Variants in KIAA1217 observed in about 807,000 individuals in gnomAD.
The protein encoded by KIAA1217 is sickle tail protein homolog.
In KIAA1217, 88 loss-of-function variants were observed where a neutral mutation model predicts 163.9. The ratio of observed to expected loss-of-function variants is 0.54; its 90% CI spans 0.45 to 0.64. KIAA1217 has a LOEUF of 0.64. KIAA1217 is among the 30% of genes least tolerant of loss of function. The pLI is 0.00. For missense variants in KIAA1217, 2,372 were observed against 2,475.0 expected (o/e 0.96, Z 0.88); for synonymous variants, 903 against 923.1 (o/e 0.98, Z 0.39).
chr10:24,046,285 C>T (rs1444503958), intron 2 of KIAA1217, among the ~76,000 whole-genome samples: 1 of 152,008 alleles, frequency 6.6e-6, no homozygotes, highest in African/African-American at 2.4e-5. Flanking sequence ...TCCTATGTGG[C>T]CAGCACACTT....
chr10:24,533,171 C>T lies in KIAA1217; in HGVS notation c.3348C>T (p.Thr1116=), dbSNP rs1308631934. The stretch of plus-strand genomic sequence containing the variant: ...GGACCCCATCCCCACCGCCTGTCAC[C>T]ACCTCCTCCTCAAAGGATGAGGAGG... ...SAWTPSPPPV[T]TSSSKDEEEE... The change falls in exon 16 of 21, where the codon ACC becomes ACT. Residue 1116 remains threonine (T), a synonymous_variant. Transcript: ENST00000376454. 1.2e-6 allele frequency: 2 copies of T among 1,613,840 alleles called. No homozygotes were observed. Among genetic ancestry groups the T allele is most frequent in the Non-Finnish European group, 1.7e-6 (2 of 1,179,950 alleles).
At chr10:24,545,758 G>T (rs2075674983) in intron 20 of KIAA1217, 69 bp from the exon 21 acceptor site, 6 of 1,526,996 alleles carry the variant, frequency 3.9e-6, no homozygotes, top group African/African-American at 1.4e-5. Flanking sequence ...GGGCTGTGTT[G>T]CCAGGCCCTG....
At chr10:23,795,831 T>C (rs1426326606) in intron 1 of KIAA1217, among the ~76,000 whole-genome samples, 1 of 152,224 alleles carries the variant, frequency 6.6e-6, no homozygotes. Flanking sequence ...TCCAGATTGC[T>C]ATAAAACAAC....
intron 1 of KIAA1217, among the ~76,000 whole-genome samples, chr10:23,988,290 G>A (rs555715006): frequency 6.6e-6 from 1 of 152,326 alleles, no homozygotes; most frequent in South Asian, 2.1e-4. Flanking sequence ...TTTAGCAGAT[G>A]TGGAATTTTT....
chr10:24,432,589 G>C (rs1191511207), intron 3 of KIAA1217, among the ~76,000 whole-genome samples: 2 of 151,828 alleles, frequency 1.3e-5, no homozygotes, highest in African/African-American at 2.4e-5. Flanking sequence ...CTGAGTAGCT[G>C]AGACTACAGT....
At chr10:24,188,935 C>T (rs909974209) in intron 2 of KIAA1217, among the ~76,000 whole-genome samples, 1 of 151,928 alleles carries the variant, frequency 6.6e-6, no homozygotes, top group Non-Finnish European at 1.5e-5. Flanking sequence ...GAAACCCCGT[C>T]TCTATTAAAA....
chr10:24,319,546 A>T (rs944848525), intron 2 of KIAA1217, among the ~76,000 whole-genome samples: 1 of 152,176 alleles, frequency 6.6e-6, no homozygotes, highest in Non-Finnish European at 1.5e-5. Context: ...TCAGAAAAAT[A>T]ATCTATACAG....
chr10:24,429,630 C>G (rs960203267), intron 3 of KIAA1217, among the ~76,000 whole-genome samples: 1 of 152,120 alleles, frequency 6.6e-6, no homozygotes, highest in African/African-American at 2.4e-5. Flanking sequence ...TCCAAATGCT[C>G]CCCCTTTTTC....
At chr10:24,353,455 T>G (rs1184190443) in intron 2 of KIAA1217, among the ~76,000 whole-genome samples, 1 of 152,204 alleles carries the variant, frequency 6.6e-6, no homozygotes, top group Non-Finnish European at 1.5e-5. Flanking sequence ...GCCCTTCTCC[T>G]GGAAGAGCAC....
In KIAA1217 at chr10:23,933,320, T is replaced by G. The variant is rs139832680; in HGVS notation, c.-320-73905T>G. Among the ~76,000 whole-genome samples, 604 of 152,292 alleles carry G rather than the reference T, an allele frequency of 4.0e-3. 1 individual carries two copies. The highest frequency in any genetic ancestry group is 0.026 in the South Asian group (126 of 4,820). On this transcript the variant is annotated intron_variant, in intron 1 of 18. Coordinates refer to the KIAA1217 transcript ENST00000376462. ...TCTTTACCGGAAGGGTGCGTTAGTT[T>G]CTGAGATGACTGTACTGCTTTGGAC...
At position 24,020,225 on chromosome 10, in the gene KIAA1217, C is replaced by T. The variant is rs572027218; in HGVS notation, c.-171+12851C>T. Among the ~76,000 whole-genome samples the T allele has an allele frequency of 9.9e-5, 15 of 152,236 alleles. No individual in the cohort carries two copies. The South Asian group carries it at 3.1e-3, about 32-fold the overall frequency. Reference sequence around the variant, plus strand: ...TTCATTCCTGGGGCTACCCCCATCACCTAGCCATCAGCAGATGCATGGTTG... The same window carrying T: ...TTCATTCCTGGGGCTACCCCCATCATCTAGCCATCAGCAGATGCATGGTTG... On this transcript the variant is annotated intron_variant, in intron 2 of 18. Coordinates refer to the KIAA1217 transcript ENST00000376462.
intron 2 of KIAA1217, among the ~76,000 whole-genome samples, chr10:24,224,105 A>G (rs969676416): frequency 6.6e-6 from 1 of 152,184 alleles, no homozygotes; most frequent in Non-Finnish European, 1.5e-5. Context: ...ACAGTCTTCA[A>G]AAAATGCGGG....
Position 24,038,051 on chromosome 10 carries a change from C to T in KIAA1217, c.-171+30677C>T, listed in dbSNP as rs72773162. On this transcript the variant is annotated intron_variant, in intron 2 of 18. Coordinates refer to the KIAA1217 transcript ENST00000376462. ...TAAAACCTCTCTTCTTTATTTCTGC[C>T]TTTTATTTTTGTAAGGGTTTTTTGT... is the stretch of plus-strand genomic sequence containing the variant. Among the ~76,000 whole-genome samples the T allele has an allele frequency of 6.8e-3, 1,041 of 152,246 alleles. 4 individuals are homozygous for T. The highest frequency in any genetic ancestry group is 0.012 in the Non-Finnish European group (783 of 68,026).
At chr10:23,825,947 A>G (rs1837875440) in intron 1 of KIAA1217, among the ~76,000 whole-genome samples, 1 of 152,176 alleles carries the variant, frequency 6.6e-6, no homozygotes, top group South Asian at 2.1e-4. Context: ...AGATTAAATG[A>G]GATTGCTGAG....
chr10:24,464,810 T>A (rs1308193685), intron 5 of KIAA1217, among the ~76,000 whole-genome samples: 1 of 152,118 alleles, frequency 6.6e-6, no homozygotes, highest in Admixed American at 6.6e-5. Flanking sequence ...GGATAACATG[T>A]CGAACATGGC....
chr10:24,337,614 TC>T (rs1270882944), intron 2 of KIAA1217, among the ~76,000 whole-genome samples: 2 of 63,996 alleles, frequency 3.1e-5, no homozygotes, highest in Non-Finnish European at 5.8e-5. Context: ...TCTTTTCTTT[TC>T]TTTTCTTTTC....
chr10:24,095,268 C>A (rs185145395), intron 2 of KIAA1217, among the ~76,000 whole-genome samples: 2 of 152,154 alleles, frequency 1.3e-5, no homozygotes, highest in South Asian at 4.2e-4. Context: ...GTCTGGCACT[C>A]CCTAGTGAGA....
At chr10:24,234,019 AT>A (rs1308505464) in intron 2 of KIAA1217, among the ~76,000 whole-genome samples, 3 of 152,094 alleles carry the variant, frequency 2.0e-5, no homozygotes, top group African/African-American at 7.2e-5. Flanking sequence ...CTTTTTAAAA[AT>A]ATTATCTCTC....
chr10:24,503,638 G>A (rs2067962149), intron 9 of KIAA1217, among the ~76,000 whole-genome samples: 1 of 152,184 alleles, frequency 6.6e-6, no homozygotes, highest in Non-Finnish European at 1.5e-5. Context: ...AAGCAAATCT[G>A]GAGACACAGG....
Sources: allele counts gnomAD v4.1 joint callset (sites outside exome capture counted in the v4.1 genomes callset), GRCh38; gene constraint gnomAD v4.1.1; transcripts MANE v1.5; gene names NCBI Gene and HGNC (gene_info 2026-07-23, HGNC 2026-07-21).